BRD10: variants seen among roughly 807,000 people sequenced by gnomAD.
The protein encoded by BRD10 is uncharacterized bromodomain-containing protein 10.
the BRD10 span, among the ~76,000 whole-genome samples, chr9:6,003,633 T>C: frequency 2.6e-5 from 4 of 152,186 alleles, no homozygotes; most frequent in African/African-American, 7.2e-5. Flanking sequence ...CAAAATATGT[T>C]ACCGCCTTTG....
the BRD10 span, among the ~76,000 whole-genome samples, chr9:5,984,313 C>G: frequency 2.0e-5 from 3 of 152,090 alleles, no homozygotes; most frequent in East Asian, 5.8e-4. Flanking sequence ...GGAAGGCATA[C>G]GACAACAGCA....
chr9:5,919,781 A>C, the BRD10 span: 6 of 1,613,644 alleles, frequency 3.7e-6, no homozygotes, highest in South Asian at 5.5e-5. Flanking sequence ...AATCTGAGAG[A>C]GAGATGGAGA....
the BRD10 span, chr9:5,920,683 G>C: frequency 1.2e-5 from 19 of 1,613,850 alleles, no homozygotes; most frequent in East Asian, 1.1e-4. Flanking sequence ...CAGAACGTGT[G>C]GCTCCTGGTA....
the BRD10 span, among the ~76,000 whole-genome samples, chr9:5,932,632 A>G: frequency 6.6e-6 from 1 of 152,188 alleles, no homozygotes; most frequent in Non-Finnish European, 1.5e-5. Context: ...GCACTCGAAC[A>G]TACATGGATT....
chr9:5,953,615 A>C, the BRD10 span, among the ~76,000 whole-genome samples: 1 of 151,986 alleles, frequency 6.6e-6, no homozygotes, highest in Non-Finnish European at 1.5e-5. Flanking sequence ...CTATCTAGGC[A>C]CTATTACCAT....
the BRD10 span, chr9:5,968,431 G>T: frequency 4.3e-6 from 7 of 1,612,692 alleles, no homozygotes; most frequent in Admixed American, 1.7e-5. Flanking sequence ...GCTCTCCAAA[G>T]CCAGTAACTT....
At chr9:5,923,410 T>C in the BRD10 span, 1 of 883,426 alleles carries the variant, frequency 1.1e-6, no homozygotes, top group South Asian at 1.8e-5. Context: ...GCTGGCAGTG[T>C]ATTAAGAAAT....
the BRD10 span, chr9:5,898,064 T>G: frequency 5.9e-6 from 1 of 170,298 alleles, no homozygotes; most frequent in Non-Finnish European, 1.3e-5. Flanking sequence ...ACTCATTTTT[T>G]TTTTTTCTTG....
the BRD10 span, among the ~76,000 whole-genome samples, chr9:5,880,939 A>G: frequency 6.6e-6 from 1 of 151,972 alleles, no homozygotes; most frequent in East Asian, 1.9e-4. Context: ...CCCTGACCTC[A>G]TGATCCACCC....
chr9:5,970,867 C>T, the BRD10 span, among the ~76,000 whole-genome samples: 3 of 151,756 alleles, frequency 2.0e-5, no homozygotes, highest in African/African-American at 2.4e-5. Context: ...GCCAGGCCAA[C>T]GTGGTAAAAC....
chr9:5,893,908 G>GC, the BRD10 span, among the ~76,000 whole-genome samples: 1 of 108,220 alleles, frequency 9.2e-6, no homozygotes, highest in African/African-American at 3.8e-5. Flanking sequence ...CTCCACCCCC[G>GC]CCCCCCGCCC....
chr9:6,006,561 C>T, the BRD10 span, among the ~76,000 whole-genome samples: 1 of 152,258 alleles, frequency 6.6e-6, no homozygotes, highest in Admixed American at 6.5e-5. Flanking sequence ...CCTATGATTT[C>T]TGGTAGAATA....
At chr9:5,971,427 T>G in the BRD10 span, among the ~76,000 whole-genome samples, 57 of 152,296 alleles carry the variant, frequency 3.7e-4, no homozygotes, top group East Asian at 6.4e-3. Context: ...TAAATGTTCT[T>G]AGCAGTATTA....
chr9:5,966,518 G>C, the BRD10 span, among the ~76,000 whole-genome samples: 1 of 129,236 alleles, frequency 7.7e-6, no homozygotes, highest in East Asian at 2.5e-4. Flanking sequence ...GGGGTGCAGT[G>C]GCATGATCTC....
the BRD10 span, among the ~76,000 whole-genome samples, chr9:5,937,794 C>G: frequency 6.6e-6 from 1 of 152,190 alleles, no homozygotes; most frequent in Non-Finnish European, 1.5e-5. Context: ...ACAGTGAGCA[C>G]TGTAAACCAA....
the BRD10 span, among the ~76,000 whole-genome samples, chr9:5,896,549 C>A: frequency 6.6e-6 from 1 of 152,192 alleles, no homozygotes; most frequent in Admixed American, 6.5e-5. Context: ...TTAGTTAAAC[C>A]TTGCTTCTCC....
At chr9:5,932,655 T>C in the BRD10 span, among the ~76,000 whole-genome samples, 1 of 152,112 alleles carries the variant, frequency 6.6e-6, no homozygotes, top group African/African-American at 2.4e-5. Flanking sequence ...GGTATGAAGG[T>C]GGGGTCCTGG....
chr9:5,975,764 A>G, the BRD10 span, among the ~76,000 whole-genome samples: 1 of 152,322 alleles, frequency 6.6e-6, no homozygotes, highest in East Asian at 1.9e-4. Flanking sequence ...AGAAGTTCTA[A>G]AATGTGAGAA....
the BRD10 span, among the ~76,000 whole-genome samples, chr9:5,943,545 T>TAAA: frequency 0.013 from 1,227 of 98,082 alleles, 14 homozygotes; most frequent in African/African-American, 0.032. Context: ...GCATAAAACA[T>TAAA]AAAAAAAAAA....
Sources: gnomAD v4.1 joint callset for allele counts (sites outside exome capture counted in the v4.1 genomes callset) on GRCh38, gnomAD v4.1.1 for gene constraint, MANE v1.5 for transcripts, NCBI Gene and HGNC (gene_info 2026-07-23, HGNC 2026-07-21) for gene names.